The following EYS variants were observed in gnomAD, a reference collection of about 807,000 sequenced individuals.
EYS encodes protein eyes shut homolog.
A neutral mutation model predicts 282.1 loss-of-function variants in EYS; 250 were observed. The ratio of observed to expected loss-of-function variants is 0.89; its 90% CI spans 0.80 to 0.98. EYS has a LOEUF of 0.98. EYS is among the 50% of genes least tolerant of loss of function. EYS has a pLI of 0.00. For synonymous variants in EYS, 1,355 were observed against 1,282.9 expected (o/e 1.06, Z -1.20); for missense variants, 4,016 against 3,709.0 (o/e 1.08, Z -2.15).
chr6:63,925,967 G>A (rs555590591), intron 35 of EYS, among the ~76,000 whole-genome samples: 28 of 152,220 alleles, frequency 1.8e-4, no homozygotes, highest in Admixed American at 1.2e-3. Context: ...TTTAAGCACC[G>A]CATGCATTAG....
intron 33 of EYS, among the ~76,000 whole-genome samples, chr6:64,034,923 A>G (rs746337615): frequency 1.2e-4 from 18 of 152,216 alleles, no homozygotes; most frequent in Admixed American, 3.9e-4. Flanking sequence ...ACATGTGGTA[A>G]TGAGAATTTT....
chr6:65,465,963 C>T (rs1044042293), intron 5 of EYS, among the ~76,000 whole-genome samples: 3 of 143,216 alleles, frequency 2.1e-5, no homozygotes, highest in Non-Finnish European at 3.0e-5. Context: ...AGAGTAAGAC[C>T]CTGTATCAAT....
intron 12 of EYS, among the ~76,000 whole-genome samples, chr6:65,229,952 C>A (rs759581879): frequency 6.6e-6 from 1 of 151,780 alleles, no homozygotes; most frequent in Non-Finnish European, 1.5e-5. Flanking sequence ...CATAAATAAT[C>A]CACGGGTCTT....
chr6:65,616,187 C>G (rs1183759376), intron 2 of EYS, among the ~76,000 whole-genome samples: 2 of 152,002 alleles, frequency 1.3e-5, no homozygotes, highest in African/African-American at 4.8e-5. Flanking sequence ...ATGTTTTACT[C>G]ATTTATTCTG....
At chr6:65,685,839 T>G (rs1472162915) in intron 1 of EYS, among the ~76,000 whole-genome samples, 1 of 152,040 alleles carries the variant, frequency 6.6e-6, no homozygotes, top group Non-Finnish European at 1.5e-5. Flanking sequence ...ATATTCTCAT[T>G]AAAATTCTAA....
At position 65,587,848 on chromosome 6, in the gene EYS, TA is replaced by T. The variant is rs1009616821; in HGVS notation, c.-333+51929del. Among the ~76,000 whole-genome samples, 103 of 152,198 alleles carry T rather than the reference TA, an allele frequency of 6.8e-4. 1 individual carries two copies. The highest frequency in any genetic ancestry group is 2.3e-3 in the African/African-American group (97 of 41,552). On this transcript the variant is annotated intron_variant, in intron 2 of 42. Coordinates refer to ENST00000503581, the MANE Select transcript of EYS (RefSeq NM_001142800.2). ...AAATTTGTGTGAGATATAACCAACTTATTATAGTTGTAGTTTCATAAATTAA... is the reference window on the plus strand; with the variant it reads ...AAATTTGTGTGAGATATAACCAACTTTTATAGTTGTAGTTTCATAAATTAA...
chr6:64,328,336 T>G (rs981934044), intron 29 of EYS, among the ~76,000 whole-genome samples: 1 of 152,086 alleles, frequency 6.6e-6, no homozygotes, highest in East Asian at 1.9e-4. Context: ...GCACTCCCAA[T>G]AGAGGCTGAC....
intron 24 of EYS, among the ~76,000 whole-genome samples, chr6:64,605,947 G>A (rs1177275903): frequency 6.6e-6 from 1 of 151,892 alleles, no homozygotes; most frequent in South Asian, 2.1e-4. Context: ...CTGCTCATAA[G>A]AAAAGACATT....
At chr6:64,688,311 G>C (rs977952006) in intron 22 of EYS, among the ~76,000 whole-genome samples, 2 of 151,828 alleles carry the variant, frequency 1.3e-5, no homozygotes, top group Non-Finnish European at 2.9e-5. Context: ...TTTTAATTGT[G>C]ATGTTAGGGT....
At chr6:65,160,649 C>T (rs1217118143) in intron 12 of EYS, among the ~76,000 whole-genome samples, 1 of 150,794 alleles carries the variant, frequency 6.6e-6, no homozygotes, top group Non-Finnish European at 1.5e-5. Context: ...TTTCCAAGCT[C>T]TTTACTCAGC....
intron 12 of EYS, among the ~76,000 whole-genome samples, chr6:65,241,150 A>G (rs1030625274): frequency 1.3e-5 from 2 of 152,150 alleles, no homozygotes; most frequent in African/African-American, 4.8e-5. Context: ...TCTTATATAT[A>G]GTTATTTTTC....
At position 63,984,582 on chromosome 6, in the gene EYS, G is replaced by A; in HGVS notation, c.6856C>T (p.Leu2286Phe). ...TGAACATTTGCAGGAATATGGCCAA[G>A]GAACATTGATTCAAAATATGCCTGT... Reference protein sequence around the residue: ...ASQAYFESMFLGHIPANVQIH... With the variant: ...ASQAYFESMFFGHIPANVQIH... Residue 2286 changes from leucine to phenylalanine, a missense_variant, in exon 35 of 43, where the codon CTT becomes TTT. Coordinates refer to ENST00000503581, the MANE Select transcript of EYS (RefSeq NM_001142800.2). 1.9e-6 allele frequency: 3 copies of A among 1,548,888 alleles called. No homozygotes were observed. Among genetic ancestry groups the A allele is most frequent in the Non-Finnish European group, 1.7e-6 (2 of 1,145,076 alleles).
At chr6:65,390,625 T>C (rs1038464204) in intron 7 of EYS, among the ~76,000 whole-genome samples, 1 of 152,032 alleles carries the variant, frequency 6.6e-6, no homozygotes, top group Non-Finnish European at 1.5e-5. Context: ...GGCTTATATC[T>C]GTAATCCCAG....
At chr6:64,489,513 T>C (rs1184197129) in intron 26 of EYS, among the ~76,000 whole-genome samples, 2 of 147,640 alleles carry the variant, frequency 1.4e-5, no homozygotes, top group Non-Finnish European at 3.0e-5. Flanking sequence ...TACTATAGAT[T>C]TTATATTAAA....
At chr6:65,123,298 C>G (rs1035559015) in intron 12 of EYS, among the ~76,000 whole-genome samples, 3 of 152,010 alleles carry the variant, frequency 2.0e-5, no homozygotes, top group Non-Finnish European at 4.4e-5. Flanking sequence ...ATAATGTATT[C>G]TGTAATACAG....
chr6:64,997,220 T>A (rs904502071), intron 14 of EYS, among the ~76,000 whole-genome samples: 2 of 152,148 alleles, frequency 1.3e-5, no homozygotes, highest in African/African-American at 4.8e-5. Flanking sequence ...AATACATGTG[T>A]GAATGTAATA....
chr6:64,453,978 G>T (rs1775464697), intron 26 of EYS, among the ~76,000 whole-genome samples: 1 of 151,988 alleles, frequency 6.6e-6, no homozygotes, highest in Non-Finnish European at 1.5e-5. Context: ...CGCACGTTGT[G>T]CACATGTACC....
At chr6:64,853,579 A>T (rs888000080) in intron 19 of EYS, among the ~76,000 whole-genome samples, 4 of 152,196 alleles carry the variant, frequency 2.6e-5, no homozygotes, top group African/African-American at 9.7e-5. Flanking sequence ...TAAGCAAGAA[A>T]AATGCTAAGG....
intron 31 of EYS, among the ~76,000 whole-genome samples, chr6:64,144,178 C>G (rs561342998): frequency 6.6e-6 from 1 of 152,236 alleles, no homozygotes; most frequent in East Asian, 1.9e-4. Flanking sequence ...TTTCACTTCA[C>G]TGAAGAGTGT....
Sources: gnomAD v4.1 joint callset for allele counts (sites outside exome capture counted in the v4.1 genomes callset) on GRCh38, gnomAD v4.1.1 for gene constraint, MANE v1.5 for transcripts, NCBI Gene and HGNC (gene_info 2026-07-23, HGNC 2026-07-21) for gene names.